Variants in SLC29A4 observed in about 807,000 individuals in gnomAD.
SLC29A4 encodes the protein equilibrative nucleoside transporter 4.
SLC29A4 carries 36 observed loss-of-function variants against 43.9 expected under a neutral mutation model. The ratio of observed to expected loss-of-function variants is 0.82; its 90% CI spans 0.63 to 1.08. SLC29A4 has a LOEUF of 1.08. Among genes scored for constraint, SLC29A4 ranks in the 50% least tolerant of loss-of-function variants. The pLI is 0.00. For missense variants in SLC29A4, 869 were observed against 755.3 expected (o/e 1.15, Z -1.77); for synonymous variants, 491 against 338.0 (o/e 1.45, Z -4.97).
intron 1 of SLC29A4, 132 bp downstream of exon 1, chr7:5,283,214 T>TCCCGGGAA (rs1403686871): frequency 7.2e-6 from 1 of 139,488 alleles, no homozygotes; most frequent in Non-Finnish European, 1.6e-5. Flanking sequence ...CCCGCCCCTG[T>TCCCGGGAA]CCCGGGAACC....
intron 1 of SLC29A4, among the ~76,000 whole-genome samples, chr7:5,284,715 A>C (rs945516405): frequency 2.6e-5 from 4 of 152,202 alleles, no homozygotes; most frequent in Admixed American, 6.5e-5. Context: ...GAGCGGCTGC[A>C]GCAGGGTCCC....
intron 6 of SLC29A4, among the ~76,000 whole-genome samples, chr7:5,295,829 C>A (rs1274754220): frequency 1.4e-5 from 2 of 147,310 alleles, no homozygotes; most frequent in African/African-American, 5.0e-5. Flanking sequence ...TGTGGCCGAG[C>A]GAGAGAGGGT....
At chr7:5,287,564 G>A (rs1417376927) in intron 1 of SLC29A4, among the ~76,000 whole-genome samples, 1 of 152,228 alleles carries the variant, frequency 6.6e-6, no homozygotes, top group African/African-American at 2.4e-5. Flanking sequence ...CTGAGGCTCA[G>A]AGAGGTTTAG....
At chr7:5,299,539 G>C in intron 9 of SLC29A4, 112 bp downstream of exon 9, 8 of 1,208,084 alleles carry the variant, frequency 6.6e-6, no homozygotes, top group Non-Finnish European at 9.2e-6. Flanking sequence ...TGGCTCCCAG[G>C]TGGAAAGGGC....
chr7:5,302,022 C>T (rs985497281), intron 10 of SLC29A4, among the ~76,000 whole-genome samples: 1 of 152,180 alleles, frequency 6.6e-6, no homozygotes, highest in African/African-American at 2.4e-5. Context: ...ACGATCTCAG[C>T]TCACTGCAAC....
In SLC29A4 at chr7:5,290,781, G is replaced by A. The variant is rs774543595; in HGVS notation, c.219G>A (p.Ala73=). 36 of 1,614,042 alleles carry A rather than the reference G, an allele frequency of 2.2e-5. No individual in the cohort carries two copies. The highest frequency in any genetic ancestry group is 1.3e-4 in the East Asian group (6 of 44,880). The change falls in exon 3 of 11, where the codon GCG becomes GCA. Residue 73 remains alanine (A), a synonymous_variant. Transcript: ENST00000396872. ...ACCGTTATCACGCCATCTACTTTGCGATGCTGCTGGCTGGCGTGGGCTTCC... is the reference window on the plus strand; with the variant it reads ...ACCGTTATCACGCCATCTACTTTGCAATGCTGCTGGCTGGCGTGGGCTTCC... The part of the protein sequence containing the change: ...PDDRYHAIYF[A]MLLAGVGFLL...
chr7:5,294,795 G>A, intron 5 of SLC29A4, 65 bp from the exon 6 acceptor site: 3 of 1,530,176 alleles, frequency 2.0e-6, no homozygotes, highest in Non-Finnish European at 2.7e-6. Flanking sequence ...GTTCTCTAGT[G>A]CATTTCTCCC....
chr7:5,300,314 C>G, intron 9 of SLC29A4, 108 bp from the exon 10 acceptor site: 1 of 1,525,942 alleles, frequency 6.6e-7, no homozygotes, highest in Non-Finnish European at 8.9e-7. Context: ...CTGAGCTGGA[C>G]AGGCCCAGGA....
chr7:5,299,702 A>G (rs1411545985), intron 9 of SLC29A4, among the ~76,000 whole-genome samples: 2 of 152,204 alleles, frequency 1.3e-5, no homozygotes, highest in East Asian at 3.9e-4. Context: ...CCTGGGGATG[A>G]GCACAGGAGG....
At chr7:5,300,814 T>A in intron 10 of SLC29A4, 152 bp downstream of exon 10, 2 of 1,078,040 alleles carry the variant, frequency 1.9e-6, no homozygotes, top group Non-Finnish European at 2.6e-6. Context: ...GTGGGGACAT[T>A]CTCAGCCACT....
At chr7:5,299,555 C>CTG (rs1785984810) in intron 9 of SLC29A4, 128 bp downstream of exon 9, 15 of 1,075,424 alleles carry the variant, frequency 1.4e-5, no homozygotes, top group Middle Eastern at 3.1e-4. Flanking sequence ...AGGGCAAGAG[C>CTG]TGTGCAGTGG....
At position 5,291,137 on chromosome 7, in the gene SLC29A4, G is replaced by C. The variant is rs767110362; in HGVS notation, c.315G>C (p.Val105=). The change falls in exon 4 of 11, where the codon GTG becomes GTC. Residue 105 remains valine, a synonymous_variant. Coordinates refer to ENST00000396872, the MANE Select transcript of SLC29A4 (RefSeq NM_153247.4). ...LHHKYPGTSI[V]FDMSLTYILV... ...GGCCCTCTGCAGGGACCTCCATCGT[G>C]TTTGACATGAGCCTCACCTACATCT... 6.2e-7 allele frequency: 1 copy of C among 1,613,894 alleles called. No homozygotes were observed. Among genetic ancestry groups the C allele is most frequent in the Non-Finnish European group, 8.5e-7 (1 of 1,180,020 alleles).
intron 10 of SLC29A4, 74 bp from the exon 11 acceptor site, chr7:5,302,723 C>G: frequency 6.9e-7 from 1 of 1,452,784 alleles, no homozygotes; most frequent in Non-Finnish European, 9.3e-7. Flanking sequence ...TGTCACCGCA[C>G]CTCACACCCG....
At position 5,289,053 on chromosome 7, in the gene SLC29A4, A is replaced by G. The variant is rs574568735; in HGVS notation, c.169+1068A>G. Among the ~76,000 whole-genome samples, 413 of 152,270 alleles carry G rather than the reference A, an allele frequency of 2.7e-3. 2 individuals are homozygous for G. The highest frequency in any genetic ancestry group is 8.1e-3 in the African/African-American group (335 of 41,538). ...GCACTCAGGAGGCACCCTGTAAGCTATAGTTCTTTTCTGGAGAGCTGCTGT... is the reference window on the plus strand; with the variant it reads ...GCACTCAGGAGGCACCCTGTAAGCTGTAGTTCTTTTCTGGAGAGCTGCTGT... On this transcript the variant is annotated intron_variant, in intron 2 of 10. Coordinates refer to ENST00000396872, the MANE Select transcript of SLC29A4 (RefSeq NM_153247.4).
At chr7:5,290,954 C>T (rs1314170414) in intron 3 of SLC29A4, 91 bp downstream of exon 3, 19 of 1,547,096 alleles carry the variant, frequency 1.2e-5, no homozygotes, top group Middle Eastern at 4.8e-4. Context: ...GGGTCCTACA[C>T]GGGGACCTGT....
chr7:5,294,688 C>T (rs1335024120), intron 5 of SLC29A4, among the ~76,000 whole-genome samples, 172 bp from the exon 6 acceptor site: 1 of 152,182 alleles, frequency 6.6e-6, no homozygotes, highest in East Asian at 1.9e-4. Flanking sequence ...TGGCTGACCC[C>T]AAGGGTACAC....
At chr7:5,295,570 T>A (rs1022345840) in intron 6 of SLC29A4, among the ~76,000 whole-genome samples, 1 of 152,232 alleles carries the variant, frequency 6.6e-6, no homozygotes, top group Non-Finnish European at 1.5e-5. Flanking sequence ...GTACCGGCAC[T>A]GTGTGCGTGG....
chr7:5,292,690 C>CTTTCTTTTTTT (rs1785381635), intron 5 of SLC29A4, among the ~76,000 whole-genome samples: 2 of 67,412 alleles, frequency 3.0e-5, no homozygotes, highest in East Asian at 1.1e-3. Flanking sequence ...CATTTTTTTC[C>CTTTCTTTTTTT]TTTTTTTTTT....
In SLC29A4 at chr7:5,284,395, T is replaced by C. The variant is rs112285342; in HGVS notation, c.-9+1313T>C. On this transcript the variant is annotated intron_variant, in intron 1 of 10. Coordinates refer to ENST00000396872, the MANE Select transcript of SLC29A4 (RefSeq NM_153247.4). ...TTTGTGACGTACTCTCACCCTCTTC[T>C]TCCTCTACTGAGTTGTGAGGTGGGG... Among the ~76,000 whole-genome samples, 14 of 152,262 alleles carry C rather than the reference T, an allele frequency of 9.2e-5. 2 individuals are homozygous for C. Among genetic ancestry groups the C allele is most frequent in the African/African-American group, 2.9e-4 (12 of 41,546 alleles).
Sources: gnomAD v4.1 joint callset for allele counts (sites outside exome capture counted in the v4.1 genomes callset) on GRCh38, gnomAD v4.1.1 for gene constraint, MANE v1.5 for transcripts, NCBI Gene and HGNC (gene_info 2026-07-23, HGNC 2026-07-21) for gene names.